MTM1: variants seen among roughly 807,000 people sequenced by gnomAD.
The protein encoded by MTM1 is myotubularin.
Under a neutral mutation model 52.1 loss-of-function variants are expected in MTM1, and 9 were observed. The ratio of observed to expected loss-of-function variants is 0.17; its 90% confidence interval spans 0.10 to 0.30. The LOEUF (loss-of-function observed/expected upper bound fraction) is 0.30. MTM1 is among the 10% of genes least tolerant of loss of function. The pLI is 1.00. For missense variants in MTM1, 277 were observed against 470.7 expected (o/e 0.59, Z 3.81); for synonymous variants, 136 against 163.8 (o/e 0.83, Z 1.29).
At chrX:150,639,362 T>C (rs782716353) in intron 7 of MTM1, among the ~76,000 whole-genome samples, 1 of 112,393 alleles carries the variant, frequency 8.9e-6, no homozygotes, top group South Asian at 3.7e-4. Flanking sequence ...AGTTACACTT[T>C]AGGACTTGAT....
At chrX:150,604,915 A>G (rs1330244126) in intron 4 of MTM1, among the ~76,000 whole-genome samples, 2 of 109,603 alleles carry the variant, frequency 1.8e-5, no homozygotes, top group African/African-American at 6.7e-5. Context: ...TTGTGTATAC[A>G]CCCCGTGCTT....
chrX:150,630,229 A>G (rs1557413530), intron 6 of MTM1, among the ~76,000 whole-genome samples: 1 of 111,490 alleles, frequency 9.0e-6, no homozygotes, highest in Non-Finnish European at 1.9e-5. Context: ...AGTAGCTGAG[A>G]TTATAGCGTG....
rs1557414810 is a variant in MTM1, at chrX:150,663,521, A to G, written c.1556A>G (p.Asn519Ser). Residue 519 changes from asparagine to serine, a missense_variant, in exon 14 of 15, where the codon AAT becomes AGT. By Grantham distance (46) the Asn-to-Ser change is conservative. Coordinates refer to ENST00000370396, the MANE Select transcript of MTM1 (RefSeq NM_000252.3). Reference sequence around the variant, plus strand: ...AACCCCTTCTATACTAAAGAAATCAATCGAGTTTTATATCCAGTTGCCAGT... The same window carrying G: ...AACCCCTTCTATACTAAAGAAATCAGTCGAGTTTTATATCCAGTTGCCAGT... The part of the protein sequence containing the change: ...FKNPFYTKEI[N>S]RVLYPVASMR... 1.7e-6 allele frequency: 2 copies of G among 1,210,081 alleles called. No homozygotes were observed. Among genetic ancestry groups the G allele is most frequent in the African/African-American group, 3.5e-5 (2 of 57,279 alleles).
intron 9 of MTM1, among the ~76,000 whole-genome samples, chrX:150,648,681 A>T (rs782623328): frequency 1.8e-5 from 2 of 112,971 alleles, no homozygotes; most frequent in South Asian, 7.2e-4. Context: ...CAGTGTGGAA[A>T]ATGGGCACTC....
chrX:150,584,461 G>A (rs1370191565), intron 1 of MTM1, among the ~76,000 whole-genome samples: 2 of 111,277 alleles, frequency 1.8e-5, no homozygotes, highest in Non-Finnish European at 3.8e-5. Flanking sequence ...GCCCTAGGGA[G>A]GTAGGTTGGA....
At chrX:150,633,267 G>A (rs2039699520) in intron 6 of MTM1, among the ~76,000 whole-genome samples, 1 of 112,130 alleles carries the variant, frequency 8.9e-6, no homozygotes, top group African/African-American at 3.2e-5. Flanking sequence ...TACTGATTTA[G>A]TCAGTAGTAG....
At chrX:150,659,965 T>G (rs2040191769) in intron 12 of MTM1, among the ~76,000 whole-genome samples, 1 of 111,852 alleles carries the variant, frequency 8.9e-6, no homozygotes, top group African/African-American at 3.3e-5. Context: ...TTTTCCCTAA[T>G]AAAGTTTTAA....
intron 6 of MTM1, among the ~76,000 whole-genome samples, chrX:150,624,775 C>T (rs958107216): frequency 1.8e-5 from 2 of 111,948 alleles, no homozygotes; most frequent in Non-Finnish European, 3.8e-5. Flanking sequence ...CATTGCTTAC[C>T]GTTAATCGTG....
chrX:150,567,174 C>T (rs2038273630), upstream of MTM1, among the ~76,000 whole-genome samples: 2 of 111,050 alleles, frequency 1.8e-5, no homozygotes, highest in African/African-American at 6.6e-5. Context: ...CATCAAGTTC[C>T]CTGGAACTAG....
chrX:150,624,698 G>C (rs2039537363), intron 6 of MTM1, among the ~76,000 whole-genome samples: 1 of 111,763 alleles, frequency 8.9e-6, no homozygotes, highest in African/African-American at 3.3e-5. Context: ...ACATAATATG[G>C]ATAAGTGTGG....
At position 150,594,465 on chromosome X, in the gene MTM1, T is replaced by C. The variant is rs1451138425; in HGVS notation, c.63+1788T>C. On this transcript the variant is annotated intron_variant, in intron 2 of 14. Coordinates refer to ENST00000370396, the MANE Select transcript of MTM1 (RefSeq NM_000252.3). ...AATATGTTACAAGTCTTCTTCCTGA[T>C]TTATTGTTGGCCTTTTAATTGTATT... Among the ~76,000 whole-genome samples the C allele has an allele frequency of 6.3e-5, 7 of 111,971 alleles. No homozygotes were observed. In the Admixed American group the frequency reaches 6.6e-4, roughly 11 times the overall value.
At chrX:150,601,924 C>T (rs1039173367) in intron 4 of MTM1, among the ~76,000 whole-genome samples, 25 of 111,894 alleles carry the variant, frequency 2.2e-4, no homozygotes, top group African/African-American at 8.1e-4. Flanking sequence ...TTTCCTTCTC[C>T]CATCATGCAT....
chrX:150,575,253 G>A (rs1365085326), intron 1 of MTM1, among the ~76,000 whole-genome samples: 2 of 112,455 alleles, frequency 1.8e-5, no homozygotes, highest in African/African-American at 3.2e-5. Context: ...GGAATACCAC[G>A]GACCAGGAGA....
chrX:150,591,562 A>G (rs1375187993), intron 1 of MTM1, among the ~76,000 whole-genome samples: 1 of 112,785 alleles, frequency 8.9e-6, no homozygotes, highest in African/African-American at 3.2e-5. Flanking sequence ...AGTAGCCAGT[A>G]CTGTGAAGCT....
At chrX:150,587,881 C>G (rs1173512743) in intron 1 of MTM1, among the ~76,000 whole-genome samples, 1 of 111,826 alleles carries the variant, frequency 8.9e-6, no homozygotes, top group African/African-American at 3.3e-5. Context: ...TTATAAATCA[C>G]TGTCCTTTTA....
intron 6 of MTM1, among the ~76,000 whole-genome samples, chrX:150,628,756 A>G (rs1273128366): frequency 1.9e-5 from 2 of 104,780 alleles, no homozygotes; most frequent in Non-Finnish European, 3.9e-5. Context: ...TTTTTTTGAG[A>G]CAGGGTCTTG....
chrX:150,625,375 C>T (rs1489351054), intron 6 of MTM1, among the ~76,000 whole-genome samples: 3 of 111,745 alleles, frequency 2.7e-5, no homozygotes, highest in Admixed American at 9.5e-5. Context: ...CTACCCAGCA[C>T]ACTTTTGCCC....
intron 6 of MTM1, among the ~76,000 whole-genome samples, chrX:150,635,058 A>G (rs1006442952): frequency 1.8e-5 from 2 of 110,909 alleles, no homozygotes; most frequent in East Asian, 5.6e-4. Context: ...CCTCTGGAAA[A>G]AGCAGCCCAC....
chrX:150,654,977 G>A (rs1353125803), intron 10 of MTM1, among the ~76,000 whole-genome samples: 1 of 111,756 alleles, frequency 8.9e-6, no homozygotes, highest in Non-Finnish European at 1.9e-5. Context: ...CATTGTTTCT[G>A]GGAATGTGAA....
Sources: gnomAD v4.1 joint callset for allele counts (sites outside exome capture counted in the v4.1 genomes callset) on GRCh38, gnomAD v4.1.1 for gene constraint, MANE v1.5 for transcripts, NCBI Gene and HGNC (gene_info 2026-07-23, HGNC 2026-07-21) for gene names.